The following NT5DC1 variants were observed in gnomAD, a reference collection of about 807,000 sequenced individuals.
NT5DC1 encodes the protein 5'-nucleotidase domain containing 1, also known as 5'-nucleotidase domain-containing protein 1.
A neutral mutation model predicts 59.4 loss-of-function variants in NT5DC1; 42 were observed. The observed-to-expected ratio is 0.71, with a 90% CI of 0.55 to 0.92. The LOEUF is 0.92. Among genes scored for constraint, NT5DC1 ranks in the 40% least tolerant of loss-of-function variants. NT5DC1 has a pLI of 0.00. For synonymous variants in NT5DC1, 172 were observed against 188.1 expected (o/e 0.91, Z 0.70); for missense variants, 501 against 537.1 (o/e 0.93, Z 0.66).
chr6:116,205,149 T>G (rs756620166), intron 6 of NT5DC1, among the ~76,000 whole-genome samples: 1 of 151,930 alleles, frequency 6.6e-6, no homozygotes, highest in Non-Finnish European at 1.5e-5. Flanking sequence ...TCCTCATCCC[T>G]CTTTTCTGCT....
chr6:116,214,066 A>G (rs953140225), intron 6 of NT5DC1, among the ~76,000 whole-genome samples: 1 of 152,154 alleles, frequency 6.6e-6, no homozygotes, highest in African/African-American at 2.4e-5. Flanking sequence ...AGGTGAAGAA[A>G]TTAAGAATTA....
At chr6:116,166,365 A>G (rs939640963) in intron 6 of NT5DC1, among the ~76,000 whole-genome samples, 1 of 152,198 alleles carries the variant, frequency 6.6e-6, no homozygotes, top group Non-Finnish European at 1.5e-5. Context: ...CAATTTTGAT[A>G]CATGGTGGTT....
intron 6 of NT5DC1, among the ~76,000 whole-genome samples, chr6:116,170,155 A>G (rs1780571352): frequency 6.6e-6 from 1 of 152,180 alleles, no homozygotes; most frequent in Non-Finnish European, 1.5e-5. Flanking sequence ...GTCTTTATAT[A>G]TAAACATTCT....
Position 116,240,555 on chromosome 6 carries a change from A to G in NT5DC1, c.1252+1432A>G, listed in dbSNP as rs184476761. ...GATTGGAGTCCCAGGAGATGAGAGA[A>G]TAAGTGAGATGAGAGAAAATGATGG... On this transcript the variant is annotated intron_variant, in intron 11 of 11. Coordinates refer to ENST00000319550, the MANE Select transcript of NT5DC1 (RefSeq NM_152729.3). Among the ~76,000 whole-genome samples the G allele has an allele frequency of 3.9e-5, 6 of 152,286 alleles. No individual in the cohort carries two copies. The East Asian group carries it at 5.8e-4, about 15-fold the overall frequency.
chr6:116,120,076 C>G lies in NT5DC1; in HGVS notation c.529+2131C>G, dbSNP rs200235459. On this transcript the variant is annotated intron_variant, in intron 6 of 11. Coordinates refer to ENST00000319550, the MANE Select transcript of NT5DC1 (RefSeq NM_152729.3). ...TTTAGATTAGCTCTGTGTGTACTCA[C>G]ATTGGAGCCACTAGGAATCCTGAGA... 1.8e-4 allele frequency: 293 copies of G among 1,613,064 alleles called. No individual in the cohort carries two copies. In the East Asian group the frequency reaches 6.4e-3, roughly 35 times the overall value.
chr6:116,218,165 TATTA>T (rs1781722068), intron 6 of NT5DC1, among the ~76,000 whole-genome samples: 1 of 152,164 alleles, frequency 6.6e-6, no homozygotes, highest in Non-Finnish European at 1.5e-5. Flanking sequence ...AATCAGACAT[TATTA>T]ATTGAGATAC....
intron 6 of NT5DC1, among the ~76,000 whole-genome samples, chr6:116,151,675 GA>G (rs1780042671): frequency 6.6e-6 from 1 of 152,102 alleles, no homozygotes; most frequent in Non-Finnish European, 1.5e-5. Context: ...TAATATGTTA[GA>G]AACCATAATT....
rs73564702 is a variant in NT5DC1 at position 116,134,315 on chromosome 6, A to C, written c.529+16370A>C. Among the ~76,000 whole-genome samples the C allele has an allele frequency of 5.2e-3, 794 of 152,264 alleles. 6 individuals carry two copies. Among genetic ancestry groups the C allele is most frequent in the African/African-American group, 0.018 (749 of 41,560 alleles). ...TCCTGCTGTAGACTCATGGAGATAA[A>C]CGCCAGACACCAAAGCCTCTTATGG... On this transcript the variant is annotated intron_variant, in intron 6 of 11. Coordinates refer to ENST00000319550, the MANE Select transcript of NT5DC1 (RefSeq NM_152729.3).
chr6:116,146,438 T>G (rs1779899106), intron 6 of NT5DC1, among the ~76,000 whole-genome samples: 1 of 152,124 alleles, frequency 6.6e-6, no homozygotes, highest in Non-Finnish European at 1.5e-5. Context: ...AGTAAATAAC[T>G]GGAGTTGCTT....
intron 8 of NT5DC1, among the ~76,000 whole-genome samples, chr6:116,233,821 T>C (rs2114556154): frequency 6.6e-6 from 1 of 152,334 alleles, no homozygotes; most frequent in African/African-American, 2.4e-5. Context: ...CATTTTTATC[T>C]GTATTAATTT....
At chr6:116,106,221 G>C (rs1157899434) in intron 1 of NT5DC1, 23 bp from the exon 2 acceptor site, 2 of 1,173,400 alleles carry the variant, frequency 1.7e-6, no homozygotes, top group Admixed American at 3.4e-5. Context: ...TATTTAATCT[G>C]TTTTTCTTCC....
At chr6:116,164,008 G>C (rs1418162206) in intron 6 of NT5DC1, among the ~76,000 whole-genome samples, 3 of 152,108 alleles carry the variant, frequency 2.0e-5, no homozygotes, top group African/African-American at 7.2e-5. Context: ...TGTGCTTTGT[G>C]ACCAAGCATA....
At chr6:116,177,231 T>G (rs914486965) in intron 6 of NT5DC1, among the ~76,000 whole-genome samples, 6 of 152,224 alleles carry the variant, frequency 3.9e-5, no homozygotes, top group Non-Finnish European at 7.3e-5. Context: ...TCATAGATTA[T>G]GTTTCTTTGC....
chr6:116,218,426 G>C (rs1444509722), intron 6 of NT5DC1, among the ~76,000 whole-genome samples: 1 of 151,972 alleles, frequency 6.6e-6, no homozygotes, highest in East Asian at 1.9e-4. Context: ...AATTCTTCTT[G>C]CTACAAAAGC....
chr6:116,236,789 A>T (rs1175658062), intron 8 of NT5DC1, among the ~76,000 whole-genome samples, 177 bp from the exon 9 acceptor site: 2 of 152,170 alleles, frequency 1.3e-5, no homozygotes, highest in Non-Finnish European at 2.9e-5. Flanking sequence ...AGGCCACGGG[A>T]TTAAAAAGTA....
Position 116,248,406 on chromosome 6 carries a change from T to C in NT5DC1, c.*4382T>C, listed in dbSNP as rs1385481774. 1 of 152,266 alleles carries C rather than the reference T, an allele frequency of 6.6e-6. No individual in the cohort carries two copies. The highest frequency in any genetic ancestry group is 2.4e-5 in the African/African-American group (1 of 41,476). The allele number at this position is 152,266 out of a possible 1,614,324, so 9.4% of individuals were successfully genotyped here. On this transcript the variant is annotated 3_prime_UTR_variant, in exon 12 of 12. Transcript: ENST00000319550. ...GATCAAATATCCATGTCTTAAATTGTGATTCTCTAGGACAGGGACTCAGTA... is the reference window on the plus strand; with the variant it reads ...GATCAAATATCCATGTCTTAAATTGCGATTCTCTAGGACAGGGACTCAGTA...
intron 6 of NT5DC1, among the ~76,000 whole-genome samples, chr6:116,135,579 C>CT (rs1271130723): frequency 6.6e-6 from 1 of 151,466 alleles, no homozygotes; most frequent in African/African-American, 2.4e-5. Flanking sequence ...AACAATATAA[C>CT]TTCTATTACC....
chr6:116,195,917 G>A (rs567911023), intron 6 of NT5DC1, among the ~76,000 whole-genome samples: 1 of 152,162 alleles, frequency 6.6e-6, no homozygotes, highest in East Asian at 1.9e-4. Flanking sequence ...GGAAGGTGGA[G>A]ATGGAGAGAG....
intron 6 of NT5DC1, among the ~76,000 whole-genome samples, chr6:116,210,640 G>T (rs1247367873): frequency 1.3e-5 from 2 of 151,884 alleles, no homozygotes; most frequent in Non-Finnish European, 2.9e-5. Context: ...TTGGAACTGT[G>T]TTTGGCAAAA....
Sources: allele counts gnomAD v4.1 joint callset (sites outside exome capture counted in the v4.1 genomes callset), GRCh38; gene constraint gnomAD v4.1.1; transcripts MANE v1.5; gene names NCBI Gene and HGNC (gene_info 2026-07-23, HGNC 2026-07-21).